Variants in DOCK2 observed in about 807,000 individuals in gnomAD.
The protein encoded by DOCK2 is dedicator of cytokinesis protein 2.
DOCK2 carries 87 observed loss-of-function variants against 248.9 expected under a neutral mutation model. That is an observed-to-expected ratio of 0.35 (90% CI 0.29 to 0.42). The LOEUF (loss-of-function observed/expected upper bound fraction) is 0.42. DOCK2 is among the 10% of genes least tolerant of loss of function. The pLI is 1.00. For synonymous variants in DOCK2, 805 were observed against 821.6 expected (o/e 0.98, Z 0.35); for missense variants, 1,747 against 2,300.2 (o/e 0.76, Z 4.92).
At chr5:170,056,615 G>C (rs1264609518) in intron 42 of DOCK2, 69 bp from the exon 43 acceptor site, 2 of 1,321,000 alleles carry the variant, frequency 1.5e-6, no homozygotes, top group East Asian at 4.6e-5. Flanking sequence ...CCTGGACAGT[G>C]CAGGGTCAGA....
At chr5:170,071,249 C>A (rs1302142108) in intron 46 of DOCK2, among the ~76,000 whole-genome samples, 2 of 152,220 alleles carry the variant, frequency 1.3e-5, no homozygotes, top group African/African-American at 4.8e-5. Flanking sequence ...ATTTATTGAG[C>A]CTCTGTTGTG....
chr5:170,042,155 C>A, intron 38 of DOCK2, 23 bp downstream of exon 38: 1 of 1,590,878 alleles, frequency 6.3e-7, no homozygotes, highest in East Asian at 2.3e-5. Flanking sequence ...TGCCCACCCC[C>A]CGTGGGGACC....
chr5:169,665,808 T>A (rs1336740718), intron 2 of DOCK2, among the ~76,000 whole-genome samples: 1 of 152,192 alleles, frequency 6.6e-6, no homozygotes, highest in Admixed American at 6.5e-5. Flanking sequence ...GAGGACTGGA[T>A]CTCTAGACCT....
intron 5 of DOCK2, among the ~76,000 whole-genome samples, chr5:169,672,200 G>T (rs981726921): frequency 6.6e-6 from 1 of 151,760 alleles, no homozygotes; most frequent in Non-Finnish European, 1.5e-5. Context: ...TAGAGATGGG[G>T]TTTCATCATG....
At chr5:169,989,180 A>G (rs574272817) in intron 29 of DOCK2, among the ~76,000 whole-genome samples, 1 of 152,332 alleles carries the variant, frequency 6.6e-6, no homozygotes, top group East Asian at 1.9e-4. Flanking sequence ...CCAGCTGTGT[A>G]CTGTTTGCGT....
At chr5:170,036,343 A>G (rs6899021) in intron 35 of DOCK2, among the ~76,000 whole-genome samples, 172 bp from the exon 36 acceptor site, 12,905 of 152,206 alleles carry the variant, frequency 0.085, 696 homozygotes, top group Middle Eastern at 0.23. Flanking sequence ...GAATCTTCCA[A>G]TTAGGCTGTT....
intron 14 of DOCK2, among the ~76,000 whole-genome samples, chr5:169,703,225 G>A (rs921849865): frequency 6.6e-6 from 1 of 152,166 alleles, no homozygotes; most frequent in Non-Finnish European, 1.5e-5. Flanking sequence ...AGCAGGGCGG[G>A]TGTGTTCATC....
intron 20 of DOCK2, among the ~76,000 whole-genome samples, chr5:169,717,131 G>A (rs1015681945): frequency 3.3e-5 from 5 of 151,920 alleles, no homozygotes; most frequent in African/African-American, 9.7e-5. Context: ...CAATAAGAAA[G>A]TCTAATAATG....
intron 27 of DOCK2, among the ~76,000 whole-genome samples, chr5:169,976,279 C>T (rs572672906): frequency 3.3e-5 from 5 of 152,126 alleles, no homozygotes; most frequent in African/African-American, 4.8e-5. Context: ...GGCTTAGAGT[C>T]GGAAAGGCCT....
chr5:169,766,180 G>C (rs1034732969), intron 25 of DOCK2, among the ~76,000 whole-genome samples: 25 of 152,002 alleles, frequency 1.6e-4, no homozygotes, highest in African/African-American at 5.8e-4. Flanking sequence ...CAGGTAATAC[G>C]CATAGACCTG....
At chr5:170,060,907 G>A (rs1275143581) in intron 44 of DOCK2, among the ~76,000 whole-genome samples, 3 of 152,100 alleles carry the variant, frequency 2.0e-5, no homozygotes, top group African/African-American at 4.8e-5. Flanking sequence ...GCATGCACCT[G>A]TAATCCCAGC....
intron 17 of DOCK2, among the ~76,000 whole-genome samples, chr5:169,713,263 C>G (rs1352924396): frequency 6.6e-6 from 1 of 152,198 alleles, no homozygotes; most frequent in Non-Finnish European, 1.5e-5. Context: ...TACTTACCCC[C>G]ATTAGGTCCC....
chr5:169,712,816 G>A (rs1445162889), intron 17 of DOCK2, among the ~76,000 whole-genome samples: 1 of 152,186 alleles, frequency 6.6e-6, no homozygotes, highest in African/African-American at 2.4e-5. Context: ...TTTACATTAT[G>A]AGACTTGGAC....
intron 1 of DOCK2, among the ~76,000 whole-genome samples, chr5:169,652,230 G>A (rs1230315822): frequency 6.6e-6 from 1 of 152,204 alleles, no homozygotes; most frequent in African/African-American, 2.4e-5. Flanking sequence ...CCAGGGCAGG[G>A]TGCAAGCCTT....
intron 12 of DOCK2, 49 bp from the exon 13 acceptor site, chr5:169,699,965 G>C: frequency 6.2e-7 from 1 of 1,609,410 alleles, no homozygotes; most frequent in Non-Finnish European, 8.5e-7. Flanking sequence ...GGCCGACTGA[G>C]GGGTCACTTG....
chr5:169,934,620 C>T (rs1233907921), intron 27 of DOCK2: 1 of 456,084 alleles, frequency 2.2e-6, no homozygotes, highest in Admixed American at 2.3e-5. Flanking sequence ...AAGATACTTC[C>T]CCTTGCTAAG....
At chr5:169,843,015 C>T (rs1446113758) in intron 27 of DOCK2, among the ~76,000 whole-genome samples, 1 of 152,146 alleles carries the variant, frequency 6.6e-6, no homozygotes, top group Non-Finnish European at 1.5e-5. Flanking sequence ...ATGCATTAGC[C>T]CAATCATTTT....
chr5:170,079,969 G>A (rs1202764658), intron 49 of DOCK2, 194 bp from the exon 50 acceptor site: 7 of 789,598 alleles, frequency 8.9e-6, no homozygotes, highest in Non-Finnish European at 1.3e-5. Flanking sequence ...GCCTGTAGTT[G>A]TGTAGTGTGC....
At chr5:169,677,343 T>C (rs980600199) in intron 6 of DOCK2, among the ~76,000 whole-genome samples, 2 of 136,070 alleles carry the variant, frequency 1.5e-5, no homozygotes, top group Admixed American at 6.9e-5. Flanking sequence ...CTAAACATTC[T>C]TTTTTTTGAT....
Sources: gnomAD v4.1 joint callset for allele counts (sites outside exome capture counted in the v4.1 genomes callset) on GRCh38, gnomAD v4.1.1 for gene constraint, MANE v1.5 for transcripts, NCBI Gene and HGNC (gene_info 2026-07-23, HGNC 2026-07-21) for gene names.